Variants in ENPP6 observed in about 807,000 individuals in gnomAD.
The protein encoded by ENPP6 is ectonucleotide pyrophosphatase/phosphodiesterase 6.
In ENPP6, 32 loss-of-function variants were observed where a neutral mutation model predicts 42.0. The ratio of observed to expected loss-of-function variants is 0.76; its 90% CI spans 0.58 to 1.02. The LOEUF (loss-of-function observed/expected upper bound fraction) is 1.02. Among genes scored for constraint, ENPP6 ranks in the 50% least tolerant of loss-of-function variants. The probability of loss-of-function intolerance (pLI) is 0.00; values close to 1 mark genes in which losing one functional copy is unlikely to be tolerated. For synonymous variants in ENPP6, 213 were observed against 216.0 expected (o/e 0.99, Z 0.12); for missense variants, 552 against 566.8 (o/e 0.97, Z 0.27).
chr4:184,114,374 G>A (rs1001796542), intron 5 of ENPP6, among the ~76,000 whole-genome samples: 5 of 152,184 alleles, frequency 3.3e-5, no homozygotes, highest in Non-Finnish European at 5.9e-5. Context: ...ATATTTCTGG[G>A]CATCACTGAA....
At chr4:184,097,907 A>G (rs1579605779) in intron 6 of ENPP6, among the ~76,000 whole-genome samples, 3 of 146,562 alleles carry the variant, frequency 2.0e-5, no homozygotes, top group South Asian at 4.3e-4. Flanking sequence ...GGGAGGGAAG[A>G]GGAGCTGGAG....
intron 7 of ENPP6, 130 bp from the exon 8 acceptor site, chr4:184,091,512 G>T (rs1277604761): frequency 3.6e-6 from 3 of 823,168 alleles, no homozygotes; most frequent in East Asian, 5.2e-5. Flanking sequence ...CCATCAGTGG[G>T]GTGTGGCCTA....
intron 1 of ENPP6, among the ~76,000 whole-genome samples, chr4:184,203,077 C>T (rs1244698874): frequency 7.7e-6 from 1 of 130,668 alleles, no homozygotes; most frequent in Non-Finnish European, 1.6e-5. Context: ...AACCCCATCT[C>T]TACTAAAAAT....
chr4:184,181,690 C>T (rs913435782), intron 1 of ENPP6, among the ~76,000 whole-genome samples: 2 of 152,044 alleles, frequency 1.3e-5, no homozygotes, highest in African/African-American at 4.8e-5. Flanking sequence ...AGAATAGAAA[C>T]CCAGAAATGA....
At chr4:184,212,810 G>C (rs967031855) in intron 1 of ENPP6, among the ~76,000 whole-genome samples, 2 of 151,998 alleles carry the variant, frequency 1.3e-5, no homozygotes, top group Non-Finnish European at 2.9e-5. Context: ...AACAAAGCTG[G>C]AGGCATCACA....
Position 184,208,425 on chromosome 4 carries a change from G to A in ENPP6, c.241+9154C>T, listed in dbSNP as rs934549821. Among the ~76,000 whole-genome samples, 7 of 152,346 alleles carry A rather than the reference G, an allele frequency of 4.6e-5. No individual in the cohort carries two copies. In the South Asian group the frequency reaches 1.2e-3, roughly 27 times the overall value. On this transcript the variant is annotated intron_variant, in intron 1 of 7. Transcript: ENST00000296741. Reference sequence around the variant, plus strand: ...AGCGGGGCGAGGCATTGCCTCACTTGGGAAGCACAAGGGGTCAGGGAGTTC... The same window carrying A: ...AGCGGGGCGAGGCATTGCCTCACTTAGGAAGCACAAGGGGTCAGGGAGTTC...
chr4:184,102,561 C>T (rs1358569684), intron 6 of ENPP6, among the ~76,000 whole-genome samples: 2 of 152,244 alleles, frequency 1.3e-5, no homozygotes, highest in African/African-American at 4.8e-5. Context: ...CCAACAGCTG[C>T]CCAACATCCG....
Position 184,191,613 on chromosome 4 carries a change from C to T in ENPP6, c.241+25966G>A, listed in dbSNP as rs187741871. ...TGACTAGTTGACCTCAGGCAAGGCA[C>T]TTAACTTCTCTAGATGAAAGTTCTC... On this transcript the variant is annotated intron_variant, in intron 1 of 7. Transcript: ENST00000296741. 2.3e-3 allele frequency among the ~76,000 whole-genome samples: 348 copies of T among 152,318 alleles called. 3 individuals carry two copies. The highest frequency in any genetic ancestry group is 3.7e-3 in the Non-Finnish European group (255 of 68,030).
intron 1 of ENPP6, among the ~76,000 whole-genome samples, chr4:184,167,822 T>A (rs180981603): frequency 1.3e-5 from 2 of 152,294 alleles, no homozygotes; most frequent in Middle Eastern, 6.8e-3. Context: ...ACCGGTGATC[T>A]GCATATCAAC....
intron 1 of ENPP6, among the ~76,000 whole-genome samples, chr4:184,205,244 G>A (rs1261075439): frequency 6.6e-6 from 1 of 152,152 alleles, no homozygotes. Context: ...ACTATAATAA[G>A]TTTTATTTGG....
intron 1 of ENPP6, among the ~76,000 whole-genome samples, chr4:184,200,129 A>C (rs1732867833): frequency 6.6e-6 from 1 of 152,238 alleles, no homozygotes; most frequent in Non-Finnish European, 1.5e-5. Flanking sequence ...TGATGAGAGC[A>C]AACTCATCTG....
intron 1 of ENPP6, among the ~76,000 whole-genome samples, chr4:184,197,751 C>A (rs1732826796): frequency 6.6e-6 from 1 of 152,186 alleles, no homozygotes; most frequent in African/African-American, 2.4e-5. Context: ...AGTGTTATAT[C>A]TTACACAGAA....
intron 3 of ENPP6, among the ~76,000 whole-genome samples, chr4:184,121,955 G>A (rs1460665432): frequency 1.3e-5 from 2 of 152,154 alleles, no homozygotes; most frequent in African/African-American, 4.8e-5. Context: ...TGTCTTCAGG[G>A]GAGGCCCAAG....
At chr4:184,112,952 C>CA (rs1279837683) in intron 5 of ENPP6, 143 bp from the exon 6 acceptor site, 6 of 1,017,330 alleles carry the variant, frequency 5.9e-6, no homozygotes, top group Non-Finnish European at 8.2e-6. Context: ...TATGTAAAAA[C>CA]AAAAAACTTT....
chr4:184,198,314 C>T (rs1732837873), intron 1 of ENPP6, among the ~76,000 whole-genome samples: 1 of 152,226 alleles, frequency 6.6e-6, no homozygotes, highest in Admixed American at 6.5e-5. Context: ...TGGAGACGGT[C>T]CACACTCCAC....
At chr4:184,175,340 C>T (rs976435191) in intron 1 of ENPP6, among the ~76,000 whole-genome samples, 10 of 152,180 alleles carry the variant, frequency 6.6e-5, no homozygotes, top group Non-Finnish European at 4.4e-5. Flanking sequence ...ATGATTTTTT[C>T]CCTCTTAGAG....
chr4:184,185,195 A>G (rs1364800556), intron 1 of ENPP6, among the ~76,000 whole-genome samples: 2 of 152,232 alleles, frequency 1.3e-5, no homozygotes, highest in Non-Finnish European at 2.9e-5. Flanking sequence ...GTAGAACTAC[A>G]GGGTCATGGG....
chr4:184,177,979 A>G (rs991279984), intron 1 of ENPP6, among the ~76,000 whole-genome samples: 2 of 152,190 alleles, frequency 1.3e-5, no homozygotes, highest in Admixed American at 1.3e-4. Context: ...AAAGATCACA[A>G]CATATCTCCA....
rs778254886 is a variant in ENPP6 at position 184,217,561 on chromosome 4, AGAG to A, written c.241+15_241+17del. The stretch of plus-strand genomic sequence containing the variant: ...GCCAGCCCTCCCCTCCCTGCCCAGA[AGAG>A]GACATGGTACTCACCAGTCATTAGG... On this transcript the variant is annotated intron_variant, in intron 1 of 7. Coordinates refer to ENST00000296741, the MANE Select transcript of ENPP6 (RefSeq NM_153343.4). 5 of 1,613,096 alleles carry A rather than the reference AGAG, an allele frequency of 3.1e-6. No individual in the cohort carries two copies.
Sources: allele counts gnomAD v4.1 joint callset (sites outside exome capture counted in the v4.1 genomes callset), GRCh38; gene constraint gnomAD v4.1.1; transcripts MANE v1.5; gene names NCBI Gene and HGNC (gene_info 2026-07-23, HGNC 2026-07-21).